CDH13: variants seen among roughly 807,000 people sequenced by gnomAD.
CDH13 encodes the protein cadherin 13, also known as cadherin-13.
Under a neutral mutation model 63.8 loss-of-function variants are expected in CDH13, and 24 were observed. The ratio of observed to expected loss-of-function variants is 0.38; its 90% CI spans 0.27 to 0.53. The LOEUF (loss-of-function observed/expected upper bound fraction) is 0.53. CDH13 is among the 20% of genes least tolerant of loss of function. The probability of loss-of-function intolerance (pLI) is 0.85; values close to 1 mark genes in which losing one functional copy is unlikely to be tolerated. For synonymous variants in CDH13, 503 were observed against 355.3 expected (o/e 1.42, Z -4.67); for missense variants, 1,049 against 903.1 (o/e 1.16, Z -2.07).
intron 2 of CDH13, among the ~76,000 whole-genome samples, chr16:82,888,914 G>A (rs556803362): frequency 1.3e-5 from 2 of 152,252 alleles, no homozygotes; most frequent in African/African-American, 2.4e-5. Context: ...GATAGCTTTC[G>A]ATTTGCCCAA....
intron 4 of CDH13, among the ~76,000 whole-genome samples, chr16:83,206,253 G>A (rs1421399088): frequency 6.6e-6 from 1 of 152,188 alleles, no homozygotes; most frequent in Non-Finnish European, 1.5e-5. Flanking sequence ...CCCTCTGGCC[G>A]TGATTTCTCT....
chr16:82,935,549 A>G (rs193140091), intron 2 of CDH13, among the ~76,000 whole-genome samples: 1 of 152,210 alleles, frequency 6.6e-6, no homozygotes. Context: ...AGAAAAAAGT[A>G]AAAAGGACCT....
intron 6 of CDH13, among the ~76,000 whole-genome samples, chr16:83,398,953 T>C (rs1234555532): frequency 6.6e-6 from 1 of 152,230 alleles, no homozygotes; most frequent in Non-Finnish European, 1.5e-5. Flanking sequence ...AGTCTTTATG[T>C]TCAGTCCATA....
chr16:83,391,292 G>A (rs2091781212), intron 6 of CDH13, among the ~76,000 whole-genome samples: 1 of 151,272 alleles, frequency 6.6e-6, no homozygotes, highest in African/African-American at 2.4e-5. Flanking sequence ...TGCAACCTCT[G>A]CCTCCCGGGT....
At chr16:83,357,349 CTG>C (rs1396333170) in intron 6 of CDH13, among the ~76,000 whole-genome samples, 1 of 152,146 alleles carries the variant, frequency 6.6e-6, no homozygotes, top group Non-Finnish European at 1.5e-5. Context: ...GTGTATGTGT[CTG>C]TACATTCACA....
At chr16:83,063,071 C>T (rs1020979311) in intron 3 of CDH13, among the ~76,000 whole-genome samples, 16 of 151,590 alleles carry the variant, frequency 1.1e-4, no homozygotes, top group African/African-American at 3.4e-4. Flanking sequence ...AAGTGAGTCT[C>T]CTGCATCAGC....
chr16:82,684,360 G>A lies in CDH13; in HGVS notation c.45+57223G>A, dbSNP rs577907580. On this transcript the variant is annotated intron_variant, in intron 1 of 13. Transcript: ENST00000567109. Reference sequence around the variant, plus strand: ...ATCAGTCCCTTAGATAACATCATGTGTCTACAGCTGGGATAGCAAGTAGGT... The same window carrying A: ...ATCAGTCCCTTAGATAACATCATGTATCTACAGCTGGGATAGCAAGTAGGT... 4.6e-5 allele frequency among the ~76,000 whole-genome samples: 7 copies of A among 152,290 alleles called. No individual in the cohort carries two copies. The East Asian group carries it at 7.7e-4, about 17-fold the overall frequency.
At chr16:83,228,263 C>T (rs548303325) in intron 5 of CDH13, among the ~76,000 whole-genome samples, 2 of 152,202 alleles carry the variant, frequency 1.3e-5, no homozygotes, top group East Asian at 3.9e-4. Context: ...AGGCATGCTG[C>T]TCCACATCCT....
intron 6 of CDH13, among the ~76,000 whole-genome samples, chr16:83,346,000 CA>C (rs893187367): frequency 1.3e-4 from 20 of 152,256 alleles, no homozygotes; most frequent in African/African-American, 3.6e-4. Context: ...GTAACCTTCC[CA>C]GACAACCAGG....
intron 7 of CDH13, among the ~76,000 whole-genome samples, chr16:83,519,618 A>T (rs1408921066): frequency 2.6e-5 from 4 of 152,340 alleles, no homozygotes; most frequent in African/African-American, 9.6e-5. Context: ...CTAGGAAATG[A>T]GTTAAACCTA....
At chr16:82,988,789 G>C (rs556709533) in intron 2 of CDH13, among the ~76,000 whole-genome samples, 3 of 150,588 alleles carry the variant, frequency 2.0e-5, no homozygotes, top group African/African-American at 7.3e-5. Flanking sequence ...TGCGAGTAAT[G>C]AAGGGCAGAT....
At chr16:83,553,231 A>G (rs1040333654) in intron 7 of CDH13, among the ~76,000 whole-genome samples, 2 of 152,238 alleles carry the variant, frequency 1.3e-5, no homozygotes, top group African/African-American at 2.4e-5. Flanking sequence ...AAAATTATCC[A>G]TGATTGGGAT....
chr16:83,684,000 A>G (rs537678833), intron 10 of CDH13, among the ~76,000 whole-genome samples: 2 of 152,386 alleles, frequency 1.3e-5, no homozygotes, highest in South Asian at 2.1e-4. Context: ...CTCCAGGTGC[A>G]CAAGGTAAAA....
At chr16:83,082,553 A>G (rs2033323679) in intron 3 of CDH13, among the ~76,000 whole-genome samples, 1 of 152,196 alleles carries the variant, frequency 6.6e-6, no homozygotes, top group Non-Finnish European at 1.5e-5. Context: ...GAATAGGAGG[A>G]TTGACTGAAC....
intron 5 of CDH13, among the ~76,000 whole-genome samples, chr16:83,290,773 C>T (rs1184936242): frequency 6.6e-6 from 1 of 152,132 alleles, no homozygotes; most frequent in South Asian, 2.1e-4. Context: ...TTGTGACTGT[C>T]CACTGTCCAT....
chr16:83,512,897 C>T (rs896458401), intron 7 of CDH13, among the ~76,000 whole-genome samples: 1 of 151,962 alleles, frequency 6.6e-6, no homozygotes, highest in East Asian at 1.9e-4. Flanking sequence ...TTCAACAAAC[C>T]CTCTAGATGA....
At chr16:83,215,101 G>T (rs987919511) in intron 4 of CDH13, among the ~76,000 whole-genome samples, 1 of 1,452 alleles carries the variant, frequency 6.9e-4, no homozygotes, top group Non-Finnish European at 5.4e-3. Context: ...TTTTGAGATG[G>T]AGTCTTACTC....
At chr16:83,314,205 G>T (rs148455587) in intron 5 of CDH13, among the ~76,000 whole-genome samples, 19 of 151,994 alleles carry the variant, frequency 1.3e-4, no homozygotes, top group African/African-American at 4.6e-4. Flanking sequence ...TTTGGGAAAC[G>T]GACAATCTAT....
At chr16:82,669,920 G>C (rs555124988) in intron 1 of CDH13, among the ~76,000 whole-genome samples, 1 of 152,316 alleles carries the variant, frequency 6.6e-6, no homozygotes, top group South Asian at 2.1e-4. Flanking sequence ...GATGTAGTCT[G>C]TTTTCCCAGT....
Sources: gnomAD v4.1 joint callset for allele counts (sites outside exome capture counted in the v4.1 genomes callset) on GRCh38, gnomAD v4.1.1 for gene constraint, MANE v1.5 for transcripts, NCBI Gene and HGNC (gene_info 2026-07-23, HGNC 2026-07-21) for gene names.